The following NFATC2 variants were observed in gnomAD, a reference collection of about 807,000 sequenced individuals.
The protein encoded by NFATC2 is nuclear factor of activated T cells 2.
A neutral mutation model predicts 87.3 loss-of-function variants in NFATC2; 22 were observed. The observed-to-expected ratio is 0.25, with a 90% CI of 0.18 to 0.36. The LOEUF is 0.36. NFATC2 is among the 10% of genes least tolerant of loss of function. The probability of loss-of-function intolerance (pLI) is 1.00; values close to 1 mark genes in which losing one functional copy is unlikely to be tolerated. For missense variants in NFATC2, 1,149 were observed against 1,259.1 expected, an observed-to-expected ratio of 0.91 and a Z score of 1.32; for synonymous variants, 565 against 542.2, an observed-to-expected ratio of 1.04 and a Z score of -0.58.
chr20:51,510,973 T>C (rs1007606476), intron 3 of NFATC2, among the ~76,000 whole-genome samples: 7 of 152,248 alleles, frequency 4.6e-5, no homozygotes, highest in African/African-American at 1.7e-4. Context: ...ATATTTGCCA[T>C]GAGCCAAATT....
At chr20:51,454,713 A>G in intron 5 of NFATC2, 25 bp from the exon 6 acceptor site, 1 of 1,613,078 alleles carries the variant, frequency 6.2e-7, no homozygotes, top group Non-Finnish European at 8.5e-7. Context: ...GAGAGAAGTC[A>G]CTGTGATAAG....
intron 9 of NFATC2, among the ~76,000 whole-genome samples, chr20:51,428,121 A>G (rs1982129155): frequency 6.6e-6 from 1 of 152,074 alleles, no homozygotes; most frequent in Non-Finnish European, 1.5e-5. Context: ...AGGAAGGGTT[A>G]AGGACAGGGA....
chr20:51,490,379 A>G (rs546800024), intron 3 of NFATC2, among the ~76,000 whole-genome samples: 1 of 152,328 alleles, frequency 6.6e-6, no homozygotes, highest in East Asian at 1.9e-4. Context: ...TTCTCTTGAC[A>G]ACTATACGAT....
Position 51,388,471 on chromosome 20 carries a change from T to A in NFATC2, c.*3025A>T, listed in dbSNP as rs1290125017. 1 of 150,420 alleles carries A rather than the reference T, an allele frequency of 6.6e-6. No individual in the cohort carries two copies. The highest frequency in any genetic ancestry group is 6.6e-5 in the Admixed American group (1 of 15,080). 9.3% of individuals were successfully genotyped at this position (150,420 alleles called of 1,614,324 possible). ...ATGGGTTTTTGTTTCCTGGAATGAG[T>A]AACAAATGTTTCAAGAATACATCAT... On this transcript the variant is annotated 3_prime_UTR_variant, in exon 11 of 11. Coordinates refer to ENST00000371564, the MANE Select transcript of NFATC2 (RefSeq NM_012340.5).
chr20:51,403,465 T>G (rs1341752289), intron 9 of NFATC2, among the ~76,000 whole-genome samples: 2 of 152,200 alleles, frequency 1.3e-5, no homozygotes, highest in Non-Finnish European at 2.9e-5. Context: ...CACTCCTGAT[T>G]CACCCCTTGA....
chr20:51,458,220 T>G (rs976954108), intron 5 of NFATC2, among the ~76,000 whole-genome samples: 1 of 152,152 alleles, frequency 6.6e-6, no homozygotes, highest in African/African-American at 2.4e-5. Flanking sequence ...TTGACACTAT[T>G]GCCATTTGGA....
chr20:51,562,332 C>T lies in NFATC2; in HGVS notation c.70+228G>A, dbSNP rs73263787. On this transcript the variant is annotated intron_variant, in intron 1 of 10. Coordinates refer to the NFATC2 transcript ENST00000414705. This position sits in a 1 kb window ranked among gnomAD's most constrained non-coding sequence, Gnocchi z 5.8. ...AATCCCGGCCTGGGACACTTCCCTGCCCCCGCGTAAAGTTGTCCAAAGTCG... is the reference window on the plus strand; with the variant it reads ...AATCCCGGCCTGGGACACTTCCCTGTCCCCGCGTAAAGTTGTCCAAAGTCG... Among the ~76,000 whole-genome samples the T allele has an allele frequency of 3.6e-4, 55 of 152,316 alleles. No individual in the cohort carries two copies. The highest frequency in any genetic ancestry group is 1.3e-3 in the African/African-American group (55 of 41,592).
In NFATC2 at chr20:51,439,661, AC is replaced by A. The variant is rs1027549210; in HGVS notation, c.1850-3901del. On this transcript the variant is annotated intron_variant, in intron 6 of 10. Coordinates refer to ENST00000371564, the MANE Select transcript of NFATC2 (RefSeq NM_012340.5). The stretch of plus-strand genomic sequence containing the variant: ...AGTGTTCTCTGCCAGGCCTTCCACA[AC>A]ACGCTGACTGGAACCCTGAGCCTTC... Among the ~76,000 whole-genome samples, 612 of 152,292 alleles carry A rather than the reference AC, an allele frequency of 4.0e-3. 2 individuals are homozygous for A. Among genetic ancestry groups the A allele is most frequent in the African/African-American group, 0.014 (575 of 41,578 alleles).
In NFATC2 at chr20:51,391,326, C is replaced by A; in HGVS notation, c.*170G>T. The A allele has an allele frequency of 6.7e-7, 1 of 1,502,196 alleles. No homozygotes were observed. Among genetic ancestry groups the A allele is most frequent in the Non-Finnish European group, 9.3e-7 (1 of 1,078,722 alleles). 93.1% of individuals were successfully genotyped at this position (1,502,196 alleles called of 1,614,324 possible). A position where few individuals can be genotyped will look rare whatever the true frequency, so the allele number is the denominator to read the frequency against. ...GCTGGGAGATGAACATGAAAGGAGA[C>A]AGAAGGTGAGGGGCTGTGGAGGGCT... On this transcript the variant is annotated 3_prime_UTR_variant, in exon 11 of 11. Transcript: ENST00000371564.
chr20:51,406,598 G>C (rs1286687879), intron 9 of NFATC2, among the ~76,000 whole-genome samples: 1 of 152,180 alleles, frequency 6.6e-6, no homozygotes, highest in Non-Finnish European at 1.5e-5. Flanking sequence ...GCTTCCATTG[G>C]CAATGTTCTC....
intron 9 of NFATC2, among the ~76,000 whole-genome samples, chr20:51,418,863 A>G (rs1431960283): frequency 6.6e-6 from 1 of 151,628 alleles, no homozygotes; most frequent in Non-Finnish European, 1.5e-5. Flanking sequence ...GGGTTTCACC[A>G]TGTTGGGCCA....
At chr20:51,445,362 C>T (rs1424907977) in intron 6 of NFATC2, among the ~76,000 whole-genome samples, 1 of 152,220 alleles carries the variant, frequency 6.6e-6, no homozygotes, top group East Asian at 1.9e-4. Flanking sequence ...TTGTGGCTCT[C>T]TCTTTCCCAC....
intron 6 of NFATC2, among the ~76,000 whole-genome samples, chr20:51,453,689 A>C (rs188698045): frequency 4.3e-4 from 65 of 152,354 alleles, no homozygotes; most frequent in African/African-American, 1.4e-3. Context: ...AATAAACAAA[A>C]CATTATGCGT....
At chr20:51,512,981 A>G (rs1397747389) in intron 3 of NFATC2, among the ~76,000 whole-genome samples, 1 of 152,160 alleles carries the variant, frequency 6.6e-6, no homozygotes, top group Non-Finnish European at 1.5e-5. Context: ...AAGAGCAGCA[A>G]TCCTCTTAAA....
chr20:51,432,128 T>C lies in NFATC2; in HGVS notation c.2661A>G (p.Val887=), dbSNP rs1259924759. 1.9e-6 allele frequency: 3 copies of C among 1,578,972 alleles called. No homozygotes were observed. The South Asian group carries it at 3.5e-5, about 18-fold the overall frequency. Residue 887 remains valine, a synonymous_variant, in exon 9 of 11, where the codon GTA becomes GTG. Transcript: ENST00000371564. The surrounding 1 kb of genome is among the most constrained non-coding windows in gnomAD (Gnocchi z 4.6). ...NGPPVSDQKE[V]LPAGVTIKQE... ...GTTTAATGGTCACCCCCGCAGGTAATACTTCCTTTTGGTCACTGACCGGGG... is the reference window on the plus strand; with the variant it reads ...GTTTAATGGTCACCCCCGCAGGTAACACTTCCTTTTGGTCACTGACCGGGG...
chr20:51,430,926 A>G (rs1389229783), intron 9 of NFATC2, among the ~76,000 whole-genome samples: 1 of 152,190 alleles, frequency 6.6e-6, no homozygotes, highest in Non-Finnish European at 1.5e-5. Flanking sequence ...TATAAAATAC[A>G]GGACTGGAAC....
rs188919159 is a variant in NFATC2, at chr20:51,404,067, C to T, written c.2723-5337G>A. On this transcript the variant is annotated intron_variant, in intron 9 of 10. Transcript: ENST00000371564. ...AAGGAGCAGACCCTGATATCCCCAC[C>T]GCCACACCTTTGTGTCGCTTGGCTG... Among the ~76,000 whole-genome samples the T allele has an allele frequency of 1.6e-3, 245 of 152,308 alleles. 2 individuals are homozygous for T. The highest frequency in any genetic ancestry group is 5.3e-3 in the African/African-American group (222 of 41,562).
chr20:51,555,274 C>T (rs1415077272), intron 1 of NFATC2, among the ~76,000 whole-genome samples: 1 of 152,168 alleles, frequency 6.6e-6, no homozygotes, highest in Non-Finnish European at 1.5e-5. Context: ...CTGATTACCC[C>T]AGGAATGAAC....
intron 1 of NFATC2, among the ~76,000 whole-genome samples, chr20:51,550,067 G>A (rs2076920256): frequency 6.6e-6 from 1 of 152,200 alleles, no homozygotes; most frequent in Non-Finnish European, 1.5e-5. Flanking sequence ...ATTTAGGCAG[G>A]GCATGGTGGC....
Sources: allele counts gnomAD v4.1 joint callset (sites outside exome capture counted in the v4.1 genomes callset), GRCh38; gene constraint gnomAD v4.1.1; non-coding constraint Gnocchi (gnomAD v3.1); transcripts MANE v1.5; gene names NCBI Gene and HGNC (gene_info 2026-07-23, HGNC 2026-07-21).